The following FAT3 variants were observed in gnomAD, a reference collection of about 807,000 sequenced individuals.
The protein encoded by FAT3 is FAT atypical cadherin 3, also known as protocadherin Fat 3.
Under a neutral mutation model 310.2 loss-of-function variants are expected in FAT3, and 95 were observed. The ratio of observed to expected loss-of-function variants is 0.31; its 90% CI spans 0.26 to 0.36. FAT3 has a LOEUF of 0.36. Ranked by LOEUF, FAT3 falls within the 10% of genes least tolerant of loss-of-function variation. The pLI, the probability that FAT3 is intolerant of heterozygous loss-of-function variation, is 1.00. For missense variants in FAT3, 5,408 were observed against 5,715.6 expected (o/e 0.95, Z 1.74); for synonymous variants, 2,314 against 2,192.9 (o/e 1.06, Z -1.54).
chr11:92,452,714 G>T (rs752251996), intron 2 of FAT3, among the ~76,000 whole-genome samples: 25 of 152,104 alleles, frequency 1.6e-4, no homozygotes, highest in Non-Finnish European at 2.8e-4. Flanking sequence ...GAGTGATTAA[G>T]TGTATCATAA....
intron 3 of FAT3, among the ~76,000 whole-genome samples, chr11:92,641,619 TATAAGG>T (rs1321584677): frequency 5.9e-5 from 9 of 152,200 alleles, no homozygotes; most frequent in African/African-American, 2.2e-4. Flanking sequence ...GCCTTTCTCT[TATAAGG>T]ATATCTGTCA....
At chr11:92,294,304 A>G (rs1039399876) in intron 1 of FAT3, among the ~76,000 whole-genome samples, 1 of 152,082 alleles carries the variant, frequency 6.6e-6, no homozygotes, top group African/African-American at 2.4e-5. Context: ...AATTACTTCC[A>G]TAAAGACCTC....
At chr11:92,425,775 G>A (rs1329986217) in intron 2 of FAT3, among the ~76,000 whole-genome samples, 1 of 152,016 alleles carries the variant, frequency 6.6e-6, no homozygotes, top group Non-Finnish European at 1.5e-5. Context: ...TCTTTATTTG[G>A]TCTATCACTG....
intron 3 of FAT3, among the ~76,000 whole-genome samples, chr11:92,569,485 A>C: frequency 6.6e-6 from 1 of 152,164 alleles, no homozygotes; most frequent in Non-Finnish European, 1.5e-5. Context: ...AGGAATGTTA[A>C]CTCAGAAAGA....
intron 3 of FAT3, among the ~76,000 whole-genome samples, chr11:92,695,142 T>C (rs1943901549): frequency 1.3e-5 from 2 of 152,096 alleles, no homozygotes; most frequent in African/African-American, 4.8e-5. Context: ...CTAGAGCAGC[T>C]CAGTGTATTT....
chr11:92,764,774 C>T (rs1946259424), intron 5 of FAT3, 105 bp from the exon 6 acceptor site: 6 of 1,020,558 alleles, frequency 5.9e-6, no homozygotes, highest in Non-Finnish European at 8.6e-6. Context: ...CTTGCTGACA[C>T]TGTGTTGAAG....
chr11:92,625,054 T>C lies in FAT3; in HGVS notation c.3608-72330T>C, dbSNP rs78560630. ...AATTTGATAACCTCTGTAGAGACCA[T>C]GTCTCCAAATAAGACACAATTTAAC... is the stretch of plus-strand genomic sequence containing the variant. On this transcript the variant is annotated intron_variant, in intron 3 of 27. Coordinates refer to ENST00000525166, the MANE Select transcript of FAT3 (RefSeq NM_001367949.2). 3.8e-3 allele frequency among the ~76,000 whole-genome samples: 585 copies of C among 152,292 alleles called. 3 individuals are homozygous for C. The highest frequency in any genetic ancestry group is 0.013 in the African/African-American group (557 of 41,546).
At chr11:92,734,702 CA>C (rs1945290183) in intron 4 of FAT3, among the ~76,000 whole-genome samples, 1 of 152,014 alleles carries the variant, frequency 6.6e-6, no homozygotes, top group South Asian at 2.1e-4. Flanking sequence ...GAAAAAGGAA[CA>C]ATGTATATAT....
At chr11:92,655,653 C>T (rs187663302) in intron 3 of FAT3, among the ~76,000 whole-genome samples, 42 of 152,282 alleles carry the variant, frequency 2.8e-4, no homozygotes, top group Admixed American at 1.6e-3. Context: ...TTCCCTGGCC[C>T]TCCCAGCTAG....
At chr11:92,245,506 T>C (rs1306753542) in intron 1 of FAT3, among the ~76,000 whole-genome samples, 1 of 151,940 alleles carries the variant, frequency 6.6e-6, no homozygotes, top group African/African-American at 2.4e-5. Flanking sequence ...AGAATGTATA[T>C]CACACAAATT....
chr11:92,516,667 G>T (rs576252052), intron 2 of FAT3, among the ~76,000 whole-genome samples: 1 of 152,074 alleles, frequency 6.6e-6, no homozygotes, highest in Non-Finnish European at 1.5e-5. Context: ...AGAAGTAAAG[G>T]ATATTCAAAT....
chr11:92,256,401 T>C (rs1865318381), intron 1 of FAT3, among the ~76,000 whole-genome samples: 4 of 151,932 alleles, frequency 2.6e-5, no homozygotes, highest in Admixed American at 2.6e-4. Flanking sequence ...TGTTTATATA[T>C]ATATATATGA....
chr11:92,634,702 A>G (rs889816322), intron 3 of FAT3, among the ~76,000 whole-genome samples: 1 of 152,186 alleles, frequency 6.6e-6, no homozygotes, highest in Non-Finnish European at 1.5e-5. Flanking sequence ...ACATATGAGC[A>G]TTGCTCAGGA....
At chr11:92,417,076 C>T (rs369878194) in intron 2 of FAT3, among the ~76,000 whole-genome samples, 17 of 152,168 alleles carry the variant, frequency 1.1e-4, no homozygotes, top group African/African-American at 4.1e-4. Flanking sequence ...TCTATAAGCT[C>T]TCCTTTTGGG....
chr11:92,524,956 A>T lies in FAT3; in HGVS notation c.3607+8A>T, dbSNP rs757477994. ...CCATCAATATCAAAACAGGTAAGGG[A>T]ATGCTTATATGACTTCTTTTTAGTT... On this transcript the variant is annotated splice_region_variant and intron_variant, in intron 3 of 27. Coordinates refer to ENST00000525166, the MANE Select transcript of FAT3 (RefSeq NM_001367949.2). 7 of 1,610,174 alleles carry T rather than the reference A, an allele frequency of 4.3e-6. No homozygotes were observed. The Admixed American group carries it at 1.2e-4, about 27-fold the overall frequency.
Position 92,837,781 on chromosome 11 carries a change from C to T in FAT3, c.10343C>T (p.Pro3448Leu). 1 of 1,613,974 alleles carries T rather than the reference C, an allele frequency of 6.2e-7. No individual in the cohort carries two copies. The highest frequency in any genetic ancestry group is 1.7e-5 in the Admixed American group (1 of 60,024). ...AATGACAACAGCCCGGTGTTTACACCTGCCAACTATACTGCTGTGATTCAG... is the reference window on the plus strand; with the variant it reads ...AATGACAACAGCCCGGTGTTTACACTTGCCAACTATACTGCTGTGATTCAG... Reference protein sequence around the residue: ...DVNDNSPVFTPANYTAVIQEN... With the variant: ...DVNDNSPVFTLANYTAVIQEN... Residue 3448 changes from proline to leucine, a missense_variant, in exon 17 of 28, where the codon CCT (proline) becomes CTT (leucine). Physicochemically the swap from Pro to Leu is moderately conservative, Grantham distance 98 (BLOSUM62 -3). This residue lies in a region of FAT3 where 4,588 missense variants were observed against 4,809.8 expected (regional missense o/e 0.95). Coordinates refer to ENST00000525166, the MANE Select transcript of FAT3 (RefSeq NM_001367949.2).
chr11:92,681,472 A>G (rs1036313159), intron 3 of FAT3, among the ~76,000 whole-genome samples: 1 of 152,236 alleles, frequency 6.6e-6, no homozygotes, highest in African/African-American at 2.4e-5. Context: ...TATGTGGTCA[A>G]GGAACACGAA....
At chr11:92,822,739 T>C (rs1948002009) in intron 13 of FAT3, among the ~76,000 whole-genome samples, 1 of 152,230 alleles carries the variant, frequency 6.6e-6, no homozygotes, top group Admixed American at 6.5e-5. Flanking sequence ...GTTTCTAGTT[T>C]ATGCTAACTA....
chr11:92,333,378 C>G (rs1947968653), intron 1 of FAT3, among the ~76,000 whole-genome samples: 1 of 152,162 alleles, frequency 6.6e-6, no homozygotes, highest in Non-Finnish European at 1.5e-5. Flanking sequence ...AATTCTCTGA[C>G]TTACCCTGGA....
Sources: allele counts gnomAD v4.1 joint callset (sites outside exome capture counted in the v4.1 genomes callset), GRCh38; gene constraint gnomAD v4.1.1; regional missense constraint gnomAD v4.1.1; transcripts MANE v1.5; gene names NCBI Gene and HGNC (gene_info 2026-07-23, HGNC 2026-07-21).